ANKRD17: variants seen among roughly 807,000 people sequenced by gnomAD.
ANKRD17 encodes ankyrin repeat domain 17, also known as ankyrin repeat domain-containing protein 17.
A neutral mutation model predicts 229.7 loss-of-function variants in ANKRD17; 19 were observed. The observed-to-expected ratio is 0.08, with a 90% CI of 0.06 to 0.12. ANKRD17 has a LOEUF of 0.12. ANKRD17 is among the 10% of genes least tolerant of loss of function. The probability of loss-of-function intolerance (pLI) is 1.00; values close to 1 mark genes in which losing one functional copy is unlikely to be tolerated. For missense variants in ANKRD17, 2,176 were observed against 3,176.8 expected, an observed-to-expected ratio of 0.68 and a Z score of 7.57; for synonymous variants, 1,112 against 1,146.1, an observed-to-expected ratio of 0.97 and a Z score of 0.60.
At chr4:73,112,994 GC>G in intron 24 of ANKRD17, 3 of 722,534 alleles carry the variant, frequency 4.2e-6, no homozygotes, top group Non-Finnish European at 5.3e-6. Context: ...TGCCATGTTG[GC>G]CAGGCTGGTC....
At chr4:73,201,974 T>G (rs2149109962) in intron 1 of ANKRD17, among the ~76,000 whole-genome samples, 1 of 152,228 alleles carries the variant, frequency 6.6e-6, no homozygotes, top group South Asian at 2.1e-4. Flanking sequence ...GAGTACATAT[T>G]ACACAAAATG....
intron 5 of ANKRD17, among the ~76,000 whole-genome samples, chr4:73,154,554 A>G (rs1222946726): frequency 1.3e-5 from 2 of 150,214 alleles, no homozygotes; most frequent in African/African-American, 4.8e-5. Context: ...TTTTAATCAT[A>G]TATGTTTTCA....
chr4:73,118,611 T>G, intron 22 of ANKRD17, 77 bp downstream of exon 22: 2 of 1,524,328 alleles, frequency 1.3e-6, no homozygotes, highest in Non-Finnish European at 1.8e-6. Flanking sequence ...AAAATGAGTC[T>G]TTAGTGATCA....
At chr4:73,239,575 T>C (rs1278320170) in intron 1 of ANKRD17, among the ~76,000 whole-genome samples, 2 of 152,286 alleles carry the variant, frequency 1.3e-5, no homozygotes, top group East Asian at 1.9e-4. Context: ...CAAAATTACA[T>C]AGATATATCT....
rs748315106 is a variant in ANKRD17 at position 73,125,202 on chromosome 4, T to C, written c.3345A>G (p.Lys1115=). Residue 1115 remains lysine, a splice_region_variant and synonymous_variant, in exon 17 of 34, where the codon AAA becomes AAG. Coordinates refer to ENST00000358602, the MANE Select transcript of ANKRD17 (RefSeq NM_032217.5). ...AAATAAAACAAAAGTAGGCCCTACC[T>C]TTCTTGTCTCGGTGCTCTATACTAG... is the stretch of plus-strand genomic sequence containing the variant. The part of the protein sequence containing the change: ...RGASIEHRDK[K]GFTPLILAAT... 1.3e-5 allele frequency: 20 copies of C among 1,599,322 alleles called. No homozygotes were observed. The highest frequency in any genetic ancestry group is 1.7e-5 in the Non-Finnish European group (20 of 1,176,258).
At chr4:73,134,708 G>T (rs1376045737) in intron 16 of ANKRD17, among the ~76,000 whole-genome samples, 1 of 152,046 alleles carries the variant, frequency 6.6e-6, no homozygotes. Flanking sequence ...GATGATATAT[G>T]ATATCAATCA....
chr4:73,227,469 G>T (rs1197497213), intron 1 of ANKRD17, among the ~76,000 whole-genome samples: 1 of 152,066 alleles, frequency 6.6e-6, no homozygotes, highest in Non-Finnish European at 1.5e-5. Context: ...TAATTTTATA[G>T]GCAAGAAAAT....
At chr4:73,108,332 C>T (rs752235985) in intron 24 of ANKRD17, among the ~76,000 whole-genome samples, 6 of 152,064 alleles carry the variant, frequency 3.9e-5, no homozygotes, top group African/African-American at 1.2e-4. Flanking sequence ...GCTGAATACA[C>T]GAGACTGAAG....
intron 1 of ANKRD17, among the ~76,000 whole-genome samples, chr4:73,220,705 G>C (rs889658377): frequency 6.6e-6 from 1 of 152,116 alleles, no homozygotes; most frequent in Non-Finnish European, 1.5e-5. Flanking sequence ...AGGAAAAAAA[G>C]AGTCTAATAT....
intron 1 of ANKRD17, among the ~76,000 whole-genome samples, chr4:73,179,914 T>C (rs1735322378): frequency 6.6e-6 from 1 of 152,084 alleles, no homozygotes; most frequent in African/African-American, 2.4e-5. Flanking sequence ...TGTTTTATTG[T>C]CAAAGGTCCA....
intron 20 of ANKRD17, among the ~76,000 whole-genome samples, chr4:73,120,541 C>CA (rs34780921): frequency 0.42 from 49,860 of 117,756 alleles, 9,123 homozygotes; most frequent in South Asian, 0.5. Context: ...AACGGTATTG[C>CA]AAAAAAAAAA....
intron 2 of ANKRD17, among the ~76,000 whole-genome samples, chr4:73,168,631 C>T (rs976525378): frequency 3.3e-5 from 5 of 152,128 alleles, no homozygotes; most frequent in African/African-American, 4.8e-5. Context: ...TATGTTAAGT[C>T]GCTAGAAACA....
intron 6 of ANKRD17, among the ~76,000 whole-genome samples, chr4:73,152,794 G>C (rs1731171774): frequency 6.6e-6 from 1 of 152,140 alleles, no homozygotes; most frequent in African/African-American, 2.4e-5. Context: ...TCCTCCCAGT[G>C]AAGATCAGCC....
chr4:73,210,249 A>G (rs970933362), intron 1 of ANKRD17, among the ~76,000 whole-genome samples: 1 of 152,184 alleles, frequency 6.6e-6, no homozygotes, highest in Non-Finnish European at 1.5e-5. Context: ...AGTAGAACTA[A>G]GTGAATTTAA....
At chr4:73,175,863 C>T (rs1734667908) in intron 2 of ANKRD17, among the ~76,000 whole-genome samples, 1 of 151,932 alleles carries the variant, frequency 6.6e-6, no homozygotes, top group African/African-American at 2.4e-5. Context: ...TAAAAGGAAA[C>T]ATTGGGGAAA....
chr4:73,116,180 A>G (rs1725926287), intron 22 of ANKRD17, among the ~76,000 whole-genome samples: 1 of 151,990 alleles, frequency 6.6e-6, no homozygotes, highest in African/African-American at 2.4e-5. Flanking sequence ...AATAATCCCA[A>G]AATCAATACA....
At chr4:73,242,614 A>T (rs1237309722) in intron 1 of ANKRD17, among the ~76,000 whole-genome samples, 1 of 152,232 alleles carries the variant, frequency 6.6e-6, no homozygotes, top group Admixed American at 6.5e-5. Flanking sequence ...CATGTCTGAC[A>T]TGTTAAATGA....
chr4:73,215,262 G>A (rs1009950306), intron 1 of ANKRD17, among the ~76,000 whole-genome samples: 5 of 144,820 alleles, frequency 3.5e-5, no homozygotes, highest in African/African-American at 5.5e-5. Flanking sequence ...GTTAGAAAAT[G>A]TGATTTTTTT....
chr4:73,115,964 C>T, intron 22 of ANKRD17, 48 bp from the exon 23 acceptor site: 1 of 1,508,606 alleles, frequency 6.6e-7, no homozygotes, highest in Non-Finnish European at 9.2e-7. Flanking sequence ...TCTAACAGTT[C>T]AGTAAATCTA....
Sources: gnomAD v4.1 joint callset for allele counts (sites outside exome capture counted in the v4.1 genomes callset) on GRCh38, gnomAD v4.1.1 for gene constraint, MANE v1.5 for transcripts, NCBI Gene and HGNC (gene_info 2026-07-23, HGNC 2026-07-21) for gene names.